The following UGP2 variants were observed in gnomAD, a reference collection of about 807,000 sequenced individuals.
UGP2 encodes UDP-glucose pyrophosphorylase 2.
UGP2 carries 40 observed loss-of-function variants against 49.0 expected under a neutral mutation model. The observed-to-expected ratio is 0.82, with a 90% CI of 0.63 to 1.06. The LOEUF is 1.06. UGP2 is among the 50% of genes least tolerant of loss of function. UGP2 has a pLI of 0.00. For missense variants in UGP2, 460 were observed against 603.5 expected (o/e 0.76, Z 2.49); for synonymous variants, 225 against 213.0 (o/e 1.06, Z -0.49).
intron 3 of UGP2, among the ~76,000 whole-genome samples, chr2:63,865,441 A>G (rs915124826): frequency 5.3e-5 from 8 of 151,978 alleles, no homozygotes; most frequent in Admixed American, 4.6e-4. Context: ...AGTAATAGCT[A>G]TGAATGTGGT....
At chr2:63,890,259 ATTTACT>A (rs1672005504) in intron 9 of UGP2, 74 bp downstream of exon 9, 1 of 1,129,242 alleles carries the variant, frequency 8.9e-7, no homozygotes, top group African/African-American at 1.6e-5. Context: ...ATAAATTTAC[ATTTACT>A]TTAAGGAATA....
intron 8 of UGP2, chr2:63,889,779 T>A: frequency 4.5e-6 from 1 of 222,470 alleles, no homozygotes; most frequent in Non-Finnish European, 8.7e-6. Flanking sequence ...TCAGATTGTG[T>A]GAACTATTCA....
intron 7 of UGP2, 135 bp downstream of exon 7, chr2:63,886,673 C>T: frequency 1.0e-6 from 1 of 957,912 alleles, no homozygotes; most frequent in Non-Finnish European, 1.5e-6. Flanking sequence ...GACTCTAGTT[C>T]CTAGCCCTGT....
At chr2:63,861,121 A>C (rs1428440269) in intron 3 of UGP2, among the ~76,000 whole-genome samples, 3 of 152,020 alleles carry the variant, frequency 2.0e-5, no homozygotes, top group African/African-American at 7.2e-5. Context: ...ACTAAATGTA[A>C]TAATAAGATT....
chr2:63,888,718 A>G (rs1671859681), intron 8 of UGP2: 1 of 152,290 alleles, frequency 6.6e-6, no homozygotes, highest in Non-Finnish European at 1.5e-5. Flanking sequence ...ATAGTTGGAG[A>G]AAACCCACAC....
chr2:63,841,992 A>T lies in UGP2; in HGVS notation c.-194A>T. 2 of 610,454 alleles carry T rather than the reference A, an allele frequency of 3.3e-6. No homozygotes were observed. Among genetic ancestry groups the T allele is most frequent in the Non-Finnish European group, 5.0e-6 (2 of 401,564 alleles). 37.8% of individuals were successfully genotyped at this position (610,454 alleles called of 1,614,324 possible). On this transcript the variant is annotated 5_prime_UTR_variant, in exon 1 of 10. Coordinates refer to ENST00000337130, the MANE Select transcript of UGP2 (RefSeq NM_006759.4). ...TTCCGTCTTTTGGAATTGGGGAAGGAGTTTCTTTCTTTCTTTTCTTTTTTC... is the reference window on the plus strand; with the variant it reads ...TTCCGTCTTTTGGAATTGGGGAAGGTGTTTCTTTCTTTCTTTTCTTTTTTC...
chr2:63,876,375 G>A (rs1158847072), intron 3 of UGP2, among the ~76,000 whole-genome samples: 1 of 152,156 alleles, frequency 6.6e-6, no homozygotes, highest in Non-Finnish European at 1.5e-5. Context: ...TTGAGGGGTG[G>A]TGGTGGTAGG....
intron 1 of UGP2, among the ~76,000 whole-genome samples, chr2:63,847,272 C>T (rs1178667096): frequency 2.0e-5 from 3 of 152,112 alleles, no homozygotes; most frequent in Admixed American, 2.0e-4. Flanking sequence ...TAATATGTTT[C>T]ACAGAGACCC....
At chr2:63,861,902 A>G (rs1046485872) in intron 3 of UGP2, among the ~76,000 whole-genome samples, 15 of 152,198 alleles carry the variant, frequency 9.9e-5, no homozygotes, top group African/African-American at 3.6e-4. Context: ...TAGTCTATCA[A>G]TACAAAAAAC....
chr2:63,881,332 A>T (rs1671293585), intron 3 of UGP2, among the ~76,000 whole-genome samples: 1 of 147,992 alleles, frequency 6.8e-6, no homozygotes, highest in African/African-American at 2.5e-5. Flanking sequence ...GTTCTTTCCC[A>T]GTCACACCTA....
chr2:63,868,150 A>T lies in UGP2; in HGVS notation c.255+10214A>T, dbSNP rs147613357. Among the ~76,000 whole-genome samples the T allele has an allele frequency of 2.0e-5, 3 of 152,320 alleles. No homozygotes were observed. The South Asian group carries it at 6.2e-4, about 32-fold the overall frequency. ...GAGGTAGGCCTTGTCTTAGAGGACT[A>T]TTGTAGCTATTAAAATAATTAAGTA... On this transcript the variant is annotated intron_variant, in intron 3 of 9. Coordinates refer to ENST00000337130, the MANE Select transcript of UGP2 (RefSeq NM_006759.4).
chr2:63,860,717 C>T (rs1669776430), intron 3 of UGP2, among the ~76,000 whole-genome samples: 1 of 151,762 alleles, frequency 6.6e-6, no homozygotes, highest in Non-Finnish European at 1.5e-5. Context: ...GCCTCAGCCT[C>T]CTGAGTAGGC....
At chr2:63,878,846 G>A (rs1671105128) in intron 3 of UGP2, among the ~76,000 whole-genome samples, 2 of 152,180 alleles carry the variant, frequency 1.3e-5, no homozygotes, top group African/African-American at 4.8e-5. Context: ...GATTACAGAT[G>A]TGAGCCCTTG....
chr2:63,875,664 C>T (rs1232435369), intron 3 of UGP2, among the ~76,000 whole-genome samples: 2 of 152,156 alleles, frequency 1.3e-5, no homozygotes, highest in Non-Finnish European at 1.5e-5. Flanking sequence ...TTTCACTTAT[C>T]CCCCAGAGGA....
At chr2:63,855,573 C>T (rs574924435) in intron 1 of UGP2, 4 of 300,092 alleles carry the variant, frequency 1.3e-5, no homozygotes, top group South Asian at 9.6e-5. Flanking sequence ...ACAGGATCTG[C>T]CTCTGTCACC....
intron 3 of UGP2, among the ~76,000 whole-genome samples, chr2:63,877,395 A>G (rs149193373): frequency 0.018 from 2,703 of 152,364 alleles, 34 homozygotes; most frequent in Non-Finnish European, 0.022. Flanking sequence ...ATTTATGGCA[A>G]TGATGCCATT....
intron 3 of UGP2, among the ~76,000 whole-genome samples, chr2:63,867,713 A>G (rs748949906): frequency 1.4e-4 from 21 of 152,148 alleles, no homozygotes; most frequent in Non-Finnish European, 2.5e-4. Flanking sequence ...TGTATGTTTC[A>G]TTTATGATTC....
intron 2 of UGP2, 85 bp from the exon 3 acceptor site, chr2:63,857,744 T>C (rs1461364156): frequency 1.5e-6 from 2 of 1,335,212 alleles, no homozygotes. Flanking sequence ...AACGATATTT[T>C]AAATGTGTAA....
chr2:63,887,691 A>G (rs747294480), intron 8 of UGP2, 47 bp downstream of exon 8: 1 of 1,600,224 alleles, frequency 6.2e-7, no homozygotes, highest in Non-Finnish European at 8.5e-7. Flanking sequence ...TAAATGTGTA[A>G]TTATAAAGAT....
Sources: gnomAD v4.1 joint callset for allele counts (sites outside exome capture counted in the v4.1 genomes callset) on GRCh38, gnomAD v4.1.1 for gene constraint, MANE v1.5 for transcripts, NCBI Gene and HGNC (gene_info 2026-07-23, HGNC 2026-07-21) for gene names.